The following ASIC2 variants were observed in gnomAD, a reference collection of about 807,000 sequenced individuals.
ASIC2 encodes the protein acid-sensing ion channel 2.
A neutral mutation model predicts 57.3 loss-of-function variants in ASIC2; 25 were observed. The observed-to-expected ratio is 0.44, with a 90% confidence interval of 0.32 to 0.61. ASIC2 has a LOEUF of 0.61. Ranked by LOEUF, ASIC2 falls within the 20% of genes least tolerant of loss-of-function variation. The pLI, the probability that ASIC2 is intolerant of heterozygous loss-of-function variation, is 0.06. For missense variants in ASIC2, 641 were observed against 738.1 expected, an observed-to-expected ratio of 0.87 and a Z score of 1.52; for synonymous variants, 319 against 307.5, an observed-to-expected ratio of 1.04 and a Z score of -0.39.
At chr17:33,028,446 A>G in intron 3 of ASIC2, 54 bp from the exon 4 acceptor site, 1 of 1,595,896 alleles carries the variant, frequency 6.3e-7, no homozygotes, top group Non-Finnish European at 8.6e-7. Flanking sequence ...TCAGTAACTC[A>G]TTCATTTACT....
chr17:33,889,183 TGATAAATTTTCAGAGCTGGAAGG>T (rs1914900912), intron 1 of ASIC2, among the ~76,000 whole-genome samples: 1 of 152,170 alleles, frequency 6.6e-6, no homozygotes, highest in South Asian at 2.1e-4. Flanking sequence ...AATTGGAGAC[TGATAAATTTTCAGAGCTGGAAGG>T]CTCCTTGGAG....
At chr17:33,718,605 G>T (rs566261622) in intron 1 of ASIC2, among the ~76,000 whole-genome samples, 5 of 152,136 alleles carry the variant, frequency 3.3e-5, no homozygotes, top group Non-Finnish European at 5.9e-5. Flanking sequence ...AAATCAACTA[G>T]AAATGTCCTT....
At chr17:33,109,809 C>T (rs192700775) in intron 2 of ASIC2, among the ~76,000 whole-genome samples, 2 of 152,202 alleles carry the variant, frequency 1.3e-5, no homozygotes, top group African/African-American at 4.8e-5. Flanking sequence ...CACTGCATGA[C>T]TTCAAAGACA....
intron 1 of ASIC2, among the ~76,000 whole-genome samples, chr17:33,654,157 G>A (rs1907007273): frequency 6.6e-6 from 1 of 152,202 alleles, no homozygotes. Flanking sequence ...TGTCTGGCTA[G>A]AACAAGGTAC....
At chr17:34,085,234 A>G (rs1451453694) in intron 1 of ASIC2, among the ~76,000 whole-genome samples, 1 of 152,156 alleles carries the variant, frequency 6.6e-6, no homozygotes, top group African/African-American at 2.4e-5. Context: ...ATTTATTGAG[A>G]GTTTTTAGCA....
At chr17:33,968,039 C>A (rs1018200459) in intron 1 of ASIC2, among the ~76,000 whole-genome samples, 1 of 152,210 alleles carries the variant, frequency 6.6e-6, no homozygotes, top group African/African-American at 2.4e-5. Context: ...CAAGGCCACA[C>A]AACTAATGAG....
intron 1 of ASIC2, among the ~76,000 whole-genome samples, chr17:33,579,524 G>A (rs1240095003): frequency 6.6e-6 from 1 of 152,102 alleles, no homozygotes; most frequent in African/African-American, 2.4e-5. Context: ...CTCCTGGTGG[G>A]TTCTCGGTCT....
intron 1 of ASIC2, among the ~76,000 whole-genome samples, chr17:33,387,593 G>A (rs1487342919): frequency 6.6e-6 from 1 of 152,188 alleles, no homozygotes; most frequent in Non-Finnish European, 1.5e-5. Flanking sequence ...CCGCTGCCCC[G>A]AAACAAATCA....
intron 1 of ASIC2, among the ~76,000 whole-genome samples, chr17:33,465,518 C>T (rs533192809): frequency 5.9e-4 from 89 of 152,066 alleles, no homozygotes; most frequent in African/African-American, 1.9e-3. Context: ...GGATTACAGG[C>T]GCATGCCACC....
At chr17:33,894,977 A>C (rs1043963840) in intron 1 of ASIC2, among the ~76,000 whole-genome samples, 4 of 151,854 alleles carry the variant, frequency 2.6e-5, no homozygotes, top group African/African-American at 9.7e-5. Flanking sequence ...TCTGCTGCCC[A>C]CCCTGCAATT....
chr17:33,216,831 C>T (rs1428111811), intron 1 of ASIC2, among the ~76,000 whole-genome samples: 3 of 152,046 alleles, frequency 2.0e-5, no homozygotes, highest in East Asian at 1.9e-4. Flanking sequence ...GGAAGTGAGA[C>T]GGTGGGTGGT....
intron 1 of ASIC2, among the ~76,000 whole-genome samples, chr17:33,940,177 G>C (rs1916154564): frequency 1.3e-5 from 2 of 152,302 alleles, no homozygotes; most frequent in East Asian, 3.9e-4. Flanking sequence ...GGATCATAAG[G>C]TTTCTATTCC....
intron 1 of ASIC2, among the ~76,000 whole-genome samples, chr17:33,376,278 G>A (rs539661572): frequency 1.3e-5 from 2 of 152,196 alleles, no homozygotes; most frequent in East Asian, 1.9e-4. Flanking sequence ...ATACAGCTGG[G>A]TGAGAAATGA....
intron 1 of ASIC2, among the ~76,000 whole-genome samples, chr17:33,372,368 G>T (rs1909103278): frequency 6.6e-6 from 1 of 152,098 alleles, no homozygotes; most frequent in Admixed American, 6.6e-5. Context: ...TTTGTGGGTG[G>T]CCTGTGTTTC....
At chr17:34,075,108 A>G (rs1909583257) in intron 1 of ASIC2, among the ~76,000 whole-genome samples, 1 of 152,120 alleles carries the variant, frequency 6.6e-6, no homozygotes, top group African/African-American at 2.4e-5. Flanking sequence ...AAAGTGAGGA[A>G]GAAGCTGCTC....
At chr17:33,659,302 TCCTGAGC>T (rs71364607) in intron 1 of ASIC2, among the ~76,000 whole-genome samples, 1,965 of 152,274 alleles carry the variant, frequency 0.013, 56 homozygotes, top group African/African-American at 0.045. Context: ...CTTAGTACAG[TCCTGAGC>T]CACTTAACAA....
chr17:34,140,144 G>C (rs1238120247), intron 1 of ASIC2, among the ~76,000 whole-genome samples: 1 of 152,146 alleles, frequency 6.6e-6, no homozygotes, highest in Non-Finnish European at 1.5e-5. Context: ...ACACAAGGAG[G>C]GCACCAGAGC....
intron 1 of ASIC2, among the ~76,000 whole-genome samples, chr17:33,879,798 A>G (rs1411626254): frequency 6.6e-6 from 1 of 152,236 alleles, no homozygotes; most frequent in Non-Finnish European, 1.5e-5. Flanking sequence ...TCAACAGAAT[A>G]TACATTGTTT....
chr17:33,429,654 T>C (rs538181300), intron 1 of ASIC2, among the ~76,000 whole-genome samples: 1 of 152,078 alleles, frequency 6.6e-6, no homozygotes, highest in South Asian at 2.1e-4. Flanking sequence ...CCTCCCAAAG[T>C]GCTGGGATTA....
Sources: gnomAD v4.1 joint callset for allele counts (sites outside exome capture counted in the v4.1 genomes callset) on GRCh38, gnomAD v4.1.1 for gene constraint, MANE v1.5 for transcripts, NCBI Gene and HGNC (gene_info 2026-07-23, HGNC 2026-07-21) for gene names.